The following GRIK4 variants were observed in gnomAD, a reference collection of about 807,000 sequenced individuals.
The protein encoded by GRIK4 is glutamate receptor ionotropic, kainate 4.
GRIK4 carries 40 observed loss-of-function variants against 104.9 expected under a neutral mutation model. The observed-to-expected ratio is 0.38, with a 90% confidence interval of 0.30 to 0.50. GRIK4 has a LOEUF of 0.50. Among genes scored for constraint, GRIK4 ranks in the 20% least tolerant of loss-of-function variants. The pLI, the probability that GRIK4 is intolerant of heterozygous loss-of-function variation, is 0.93. For synonymous variants in GRIK4, 485 were observed against 524.9 expected (o/e 0.92, Z 1.04); for missense variants, 1,047 against 1,308.1 (o/e 0.80, Z 3.08).
rs185555165 is a variant in GRIK4 at position 120,787,699 on chromosome 11, G to A, written c.83-14994G>A. Among the ~76,000 whole-genome samples the A allele has an allele frequency of 3.0e-4, 45 of 151,928 alleles. No individual in the cohort carries two copies. In the East Asian group the frequency reaches 8.3e-3, roughly 28 times the overall value. ...GCTGGTTTGGAACTCCTGGCCTCAC[G>A]TGATCCACCTGCCTTGGCCTCCCAA... On this transcript the variant is annotated intron_variant, in intron 3 of 20. Coordinates refer to ENST00000527524, the MANE Select transcript of GRIK4 (RefSeq NM_014619.5).
intron 3 of GRIK4, among the ~76,000 whole-genome samples, chr11:120,661,326 A>T (rs1176310685): frequency 6.6e-6 from 1 of 152,114 alleles, no homozygotes; most frequent in Non-Finnish European, 1.5e-5. Flanking sequence ...CCACAAGACG[A>T]CCCATCCAAC....
intron 3 of GRIK4, among the ~76,000 whole-genome samples, chr11:120,701,032 G>C (rs1352723999): frequency 1.3e-5 from 2 of 152,200 alleles, no homozygotes; most frequent in African/African-American, 2.4e-5. Context: ...GCAATACGCT[G>C]TTTCATGTAG....
At chr11:120,697,701 T>C (rs921288688) in intron 3 of GRIK4, among the ~76,000 whole-genome samples, 1 of 152,190 alleles carries the variant, frequency 6.6e-6, no homozygotes, top group African/African-American at 2.4e-5. Context: ...AGCAATGGGC[T>C]GCAGAGCTCT....
chr11:120,805,957 T>G (rs1952702725), intron 4 of GRIK4, among the ~76,000 whole-genome samples: 1 of 152,226 alleles, frequency 6.6e-6, no homozygotes, highest in Non-Finnish European at 1.5e-5. Flanking sequence ...CTGACCAGCA[T>G]TAAATCCTGG....
intron 18 of GRIK4, among the ~76,000 whole-genome samples, chr11:120,965,580 T>C (rs553909050): frequency 6.6e-6 from 1 of 152,264 alleles, no homozygotes; most frequent in East Asian, 1.9e-4. Context: ...CTGACACACA[T>C]CCAGTGCTGC....
At chr11:120,954,635 C>T (rs1314074684) in intron 15 of GRIK4, among the ~76,000 whole-genome samples, 2 of 152,092 alleles carry the variant, frequency 1.3e-5, no homozygotes, top group Non-Finnish European at 2.9e-5. Flanking sequence ...CCCACAGCAG[C>T]CTAGAGCTTT....
rs189214639 is a variant in GRIK4 at position 120,791,817 on chromosome 11, A to T, written c.83-10876A>T. Among the ~76,000 whole-genome samples, 5 of 152,324 alleles carry T rather than the reference A, an allele frequency of 3.3e-5. No homozygotes were observed. The East Asian group carries it at 9.6e-4, about 29-fold the overall frequency. On this transcript the variant is annotated intron_variant, in intron 3 of 20. Transcript: ENST00000527524. ...TAACATATGGATATCCAAATGTTCC[A>T]GCACAGTTTGTGTAAAGACTTTTTT... is the stretch of plus-strand genomic sequence containing the variant.
At chr11:120,768,380 C>T (rs1351253926) in intron 3 of GRIK4, among the ~76,000 whole-genome samples, 1 of 151,978 alleles carries the variant, frequency 6.6e-6, no homozygotes, top group African/African-American at 2.4e-5. Flanking sequence ...AGAAATGCCG[C>T]TGATTTTTGT....
chr11:120,690,452 C>T (rs1565297233), intron 3 of GRIK4, among the ~76,000 whole-genome samples: 1 of 152,236 alleles, frequency 6.6e-6, no homozygotes. Context: ...CCTGGTTTCA[C>T]GCTCTCACCA....
intron 3 of GRIK4, among the ~76,000 whole-genome samples, chr11:120,786,616 A>T (rs1952282320): frequency 6.6e-6 from 1 of 152,058 alleles, no homozygotes; most frequent in Non-Finnish European, 1.5e-5. Flanking sequence ...GCTTTCAGAA[A>T]CACACCAACA....
At chr11:120,725,591 T>G (rs1322207409) in intron 3 of GRIK4, among the ~76,000 whole-genome samples, 2 of 152,058 alleles carry the variant, frequency 1.3e-5, no homozygotes, top group Non-Finnish European at 2.9e-5. Flanking sequence ...GAATGAGGGG[T>G]CTGGCATCTC....
chr11:120,815,957 T>C (rs1952947059), intron 5 of GRIK4, among the ~76,000 whole-genome samples: 1 of 152,226 alleles, frequency 6.6e-6, no homozygotes. Flanking sequence ...GTCATATAAG[T>C]TCTCTAGAAA....
intron 1 of GRIK4, among the ~76,000 whole-genome samples, chr11:120,629,598 C>A (rs912252149): frequency 6.6e-6 from 1 of 152,072 alleles, no homozygotes; most frequent in African/African-American, 2.4e-5. Context: ...GGCTTCTGGC[C>A]AATCCCTGTC....
At chr11:120,973,272 G>C (rs952872965) in intron 19 of GRIK4, among the ~76,000 whole-genome samples, 5 of 152,182 alleles carry the variant, frequency 3.3e-5, no homozygotes, top group Admixed American at 3.3e-4. Flanking sequence ...GCTGACAGTA[G>C]AGTTCAGGAT....
chr11:120,814,548 C>G (rs1365533051), intron 4 of GRIK4, among the ~76,000 whole-genome samples: 1 of 152,110 alleles, frequency 6.6e-6, no homozygotes, highest in Non-Finnish European at 1.5e-5. Flanking sequence ...GAGCCGAGAT[C>G]GCACCACACC....
chr11:120,791,593 A>G (rs1456475247), intron 3 of GRIK4, among the ~76,000 whole-genome samples: 1 of 152,164 alleles, frequency 6.6e-6, no homozygotes, highest in African/African-American at 2.4e-5. Context: ...AAGAGCATAC[A>G]TTCTAAGTTT....
intron 1 of GRIK4, among the ~76,000 whole-genome samples, chr11:120,544,068 A>G (rs757811841): frequency 2.0e-5 from 3 of 152,260 alleles, no homozygotes; most frequent in Non-Finnish European, 4.4e-5. Flanking sequence ...CATAGTGCCC[A>G]TAGCTAACAA....
At position 120,710,903 on chromosome 11, in the gene GRIK4, G is replaced by T. The variant is rs560260132; in HGVS notation, c.82+50503G>T. Among the ~76,000 whole-genome samples the T allele has an allele frequency of 2.4e-4, 36 of 152,170 alleles. No homozygotes were observed. In the East Asian group the frequency reaches 6.6e-3, roughly 28 times the overall value. ...GGAAGTGGGTAAATAAATTAACTGGGAGTCTTCAGCTGACTACAAAACTGT... is the reference window on the plus strand; with the variant it reads ...GGAAGTGGGTAAATAAATTAACTGGTAGTCTTCAGCTGACTACAAAACTGT... On this transcript the variant is annotated intron_variant, in intron 3 of 20. Transcript: ENST00000527524.
At chr11:120,815,969 G>C (rs920213288) in intron 5 of GRIK4, among the ~76,000 whole-genome samples, 4 of 152,340 alleles carry the variant, frequency 2.6e-5, no homozygotes, top group South Asian at 2.1e-4. Flanking sequence ...CTCTAGAAAA[G>C]AGATTTTATC....
Sources: allele counts gnomAD v4.1 joint callset (sites outside exome capture counted in the v4.1 genomes callset), GRCh38; gene constraint gnomAD v4.1.1; transcripts MANE v1.5; gene names NCBI Gene and HGNC (gene_info 2026-07-23, HGNC 2026-07-21).